The following TMEM161A variants were observed in gnomAD, a reference collection of about 807,000 sequenced individuals.
TMEM161A encodes adaptive response to oxidative stress protein 29.
A neutral mutation model predicts 57.1 loss-of-function variants in TMEM161A; 46 were observed. The observed-to-expected ratio is 0.81, with a 90% confidence interval of 0.64 to 1.03. TMEM161A has a LOEUF of 1.03. TMEM161A is among the 50% of genes least tolerant of loss of function. The pLI, the probability that TMEM161A is intolerant of heterozygous loss-of-function variation, is 0.00. For missense variants in TMEM161A, 601 were observed against 621.5 expected (o/e 0.97, Z 0.35); for synonymous variants, 288 against 279.0 (o/e 1.03, Z -0.32).
intron 6 of TMEM161A, among the ~76,000 whole-genome samples, chr19:19,123,661 C>T (rs2059919874): frequency 6.6e-6 from 1 of 152,110 alleles, no homozygotes; most frequent in African/African-American, 2.4e-5. Flanking sequence ...CATAAAGTCA[C>T]TGGAAGACTG....
At chr19:19,130,009 G>T in intron 6 of TMEM161A, 147 bp downstream of exon 6, 1 of 834,764 alleles carries the variant, frequency 1.2e-6, no homozygotes, top group Non-Finnish European at 1.8e-6. Flanking sequence ...TTCAGGAGCT[G>T]AGATGGTCAC....
chr19:19,129,236 G>T (rs2059945696), intron 6 of TMEM161A, among the ~76,000 whole-genome samples: 1 of 152,088 alleles, frequency 6.6e-6, no homozygotes, highest in African/African-American at 2.4e-5. Flanking sequence ...GTACTCATAT[G>T]ATTATTTTGC....
chr19:19,130,359 T>C (rs754484871), intron 5 of TMEM161A, 52 bp from the exon 6 acceptor site: 1 of 1,603,592 alleles, frequency 6.2e-7, no homozygotes, highest in Non-Finnish European at 8.5e-7. Context: ...ACTCTGCCCA[T>C]TTCACCACAC....
rs772948030 is a variant in TMEM161A, at chr19:19,120,097, C to T, written c.1273G>A (p.Asp425Asn). ...CGCGCTGCAGTCTGCTGGACTTCGT[C>T]CTCCCCAGAGCCGATGGGGGCAGCG... is the stretch of plus-strand genomic sequence containing the variant. Reference protein sequence around the residue: ...ASAAPIGSGEDEVQQTAARIA... With the variant: ...ASAAPIGSGENEVQQTAARIA... Residue 425 changes from aspartate (D) to asparagine (N), a missense_variant, in exon 12 of 12, where the codon GAC becomes AAC. Asp to Asn is a conservative substitution (Grantham distance 23, BLOSUM62 1). Transcript: ENST00000162044. 1.3e-6 allele frequency: 2 copies of T among 1,580,400 alleles called. No individual in the cohort carries two copies. Among genetic ancestry groups the T allele is most frequent in the Admixed American group, 3.7e-5 (2 of 54,442 alleles).
chr19:19,119,768 G>A lies in TMEM161A; in HGVS notation c.*162C>T. The A allele has an allele frequency of 1.2e-6, 1 of 850,750 alleles. No individual in the cohort carries two copies. Among genetic ancestry groups the A allele is most frequent in the Non-Finnish European group, 1.8e-6 (1 of 564,596 alleles). 52.7% of individuals were successfully genotyped at this position (850,750 alleles called of 1,614,324 possible). On this transcript the variant is annotated 3_prime_UTR_variant, in exon 12 of 12. Coordinates refer to ENST00000162044, the MANE Select transcript of TMEM161A (RefSeq NM_017814.3). ...GAGACAGTTCTGAGGCAGAAACTCG[G>A]CGTCCAAGGGGGGCCGCGGGTCAGG...
rs1036649327 is a variant in TMEM161A, at chr19:19,119,852, G to A, written c.*78C>T. Reference sequence around the variant, plus strand: ...CCCACCTTGCAGCTGGGGACACGGGGGCGCAAACAGAGGGGGCAGGCTAGT... The same window carrying A: ...CCCACCTTGCAGCTGGGGACACGGGAGCGCAAACAGAGGGGGCAGGCTAGT... On this transcript the variant is annotated 3_prime_UTR_variant, in exon 12 of 12. Transcript: ENST00000162044. 3.4e-6 allele frequency: 5 copies of A among 1,492,300 alleles called. No homozygotes were observed. The highest frequency in any genetic ancestry group is 2.1e-5 in the Admixed American group (1 of 47,558). 92.4% of individuals were successfully genotyped at this position (1,492,300 alleles called of 1,614,324 possible).
At chr19:19,128,061 A>T (rs1307087389) in intron 6 of TMEM161A, among the ~76,000 whole-genome samples, 2 of 152,140 alleles carry the variant, frequency 1.3e-5, no homozygotes, top group East Asian at 1.9e-4. Flanking sequence ...TATATGAGGA[A>T]CCCAGAGTGG....
rs2059897304 is a variant in TMEM161A, at chr19:19,119,651, G to A, written c.*279C>T. On this transcript the variant is annotated 3_prime_UTR_variant, in exon 12 of 12. Coordinates refer to ENST00000162044, the MANE Select transcript of TMEM161A (RefSeq NM_017814.3). ...ATCGGCATGCTCCTTTATTTGTTCA[G>A]AAGAGCAGCCAGCATCACCCTTGCC... is the stretch of plus-strand genomic sequence containing the variant. 2.0e-6 allele frequency: 1 copy of A among 492,160 alleles called. No individual in the cohort carries two copies. Among genetic ancestry groups the A allele is most frequent in the Non-Finnish European group, 3.7e-6 (1 of 270,110 alleles). The allele number at this position is 492,160 out of a possible 1,614,324, so 30.5% of individuals were successfully genotyped here. A position where few individuals can be genotyped will look rare whatever the true frequency, so the allele number is the denominator to read the frequency against.
chr19:19,136,242 T>C (rs892652193), intron 1 of TMEM161A, among the ~76,000 whole-genome samples: 1 of 152,104 alleles, frequency 6.6e-6, no homozygotes, highest in Admixed American at 6.6e-5. Flanking sequence ...CAAAATGAAA[T>C]AAAGTTTATT....
chr19:19,132,026 G>A lies in TMEM161A; in HGVS notation c.443+326C>T, dbSNP rs1010355051. Among the ~76,000 whole-genome samples the A allele has an allele frequency of 6.6e-6, 1 of 152,156 alleles. No individual in the cohort carries two copies. Among genetic ancestry groups the A allele is most frequent in the African/African-American group, 2.4e-5 (1 of 41,444 alleles). Reference sequence around the variant, plus strand: ...TTGGCCCTGATTGTGGACTGGCCTGGTGATTTCCTTAAACAAGGAGAATGT... The same window carrying A: ...TTGGCCCTGATTGTGGACTGGCCTGATGATTTCCTTAAACAAGGAGAATGT... On this transcript the variant is annotated intron_variant, in intron 5 of 11. Coordinates refer to ENST00000162044, the MANE Select transcript of TMEM161A (RefSeq NM_017814.3). This position sits in a 1 kb window ranked among gnomAD's most constrained non-coding sequence, Gnocchi z 4.3.
intron 5 of TMEM161A, among the ~76,000 whole-genome samples, chr19:19,131,507 T>TATAC (rs1342464666): frequency 3.5e-5 from 5 of 144,836 alleles, no homozygotes; most frequent in Non-Finnish European, 6.0e-5. Context: ...TATATATATA[T>TATAC]ACACACACAC....
At position 19,133,160 on chromosome 19, in the gene TMEM161A, C is replaced by T; in HGVS notation, c.158G>A (p.Gly53Glu). Residue 53 changes from glycine (G) to glutamate (E), a missense_variant, in exon 3 of 12, where the codon GGG (glycine) becomes GAG (glutamate). Gly to Glu is a moderately conservative substitution (Grantham distance 98). Coordinates refer to ENST00000162044, the MANE Select transcript of TMEM161A (RefSeq NM_017814.3). ...PSEEELRALA[G>E]KPRPRGRKER... ...TTTCCTGCCTCTGGGCCTCGGCTTC[C>T]CCGCCAGGGCCCGAAGCTCCTCCTC... 2.5e-6 allele frequency: 4 copies of T among 1,614,166 alleles called. No individual in the cohort carries two copies. Among genetic ancestry groups the T allele is most frequent in the Non-Finnish European group, 3.4e-6 (4 of 1,180,006 alleles).
In TMEM161A at chr19:19,120,006, A is replaced by G. The variant is rs764899045; in HGVS notation, c.1364T>C (p.Ile455Thr). ...CAGCTGGCAGGCAGCCGTCCACCAGATGAGGTAGGCCAGGACGCCACGGAG... is the reference window on the plus strand; with the variant it reads ...CAGCTGGCAGGCAGCCGTCCACCAGGTGAGGTAGGCCAGGACGCCACGGAG... ...LFLRGVLAYL[I>T]WWTAACQLLA... Residue 455 changes from isoleucine to threonine, a missense_variant, in exon 12 of 12, where the codon ATC becomes ACC. Physicochemically the swap from Ile to Thr is moderately conservative, Grantham distance 89 (BLOSUM62 -1). Transcript: ENST00000162044. 4 of 1,593,874 alleles carry G rather than the reference A, an allele frequency of 2.5e-6. No homozygotes were observed. The East Asian group carries it at 9.1e-5, about 36-fold the overall frequency.
At chr19:19,134,153 G>A (rs1169795991) in intron 2 of TMEM161A, among the ~76,000 whole-genome samples, 2 of 151,882 alleles carry the variant, frequency 1.3e-5, no homozygotes, top group Non-Finnish European at 2.9e-5. Flanking sequence ...ACCCACGCAA[G>A]GACAAAAACC....
In TMEM161A at chr19:19,123,287, A is replaced by T. The variant is rs145483604; in HGVS notation, c.596-1468T>A. Among the ~76,000 whole-genome samples, 30 of 152,372 alleles carry T rather than the reference A, an allele frequency of 2.0e-4. No homozygotes were observed. The East Asian group carries it at 5.4e-3, about 27-fold the overall frequency. On this transcript the variant is annotated intron_variant, in intron 6 of 11. Transcript: ENST00000162044. ...AGGAATTACTGGAAGAGAATGGTTG[A>T]GAAGTTTGCAGAATGAAAGACAGAC...
intron 6 of TMEM161A, among the ~76,000 whole-genome samples, chr19:19,128,278 C>T (rs2059941165): frequency 2.1e-5 from 3 of 144,990 alleles, no homozygotes; most frequent in Non-Finnish European, 1.5e-5. Flanking sequence ...GTCGCCCAGG[C>T]TGGAGTGCAG....
chr19:19,130,405 C>G (rs531453523), intron 5 of TMEM161A, 98 bp from the exon 6 acceptor site: 2 of 1,488,052 alleles, frequency 1.3e-6, no homozygotes, highest in Non-Finnish European at 1.8e-6. Flanking sequence ...GGAACAAGCA[C>G]TGCTGCACAA....
At position 19,127,182 on chromosome 19, in the gene TMEM161A, C is replaced by T. The variant is rs1343976762; in HGVS notation, c.595+2974G>A. Among the ~76,000 whole-genome samples, 9 of 152,200 alleles carry T rather than the reference C, an allele frequency of 5.9e-5. No individual in the cohort carries two copies. The East Asian group carries it at 1.7e-3, about 29-fold the overall frequency. ...TACTCTCCAAAACTGAAAATGGGGT[C>T]TCAAAGAGATACCTGTACACTCAGG... On this transcript the variant is annotated intron_variant, in intron 6 of 11. Transcript: ENST00000162044.
chr19:19,133,257 G>C (rs2059968191), intron 2 of TMEM161A, 47 bp from the exon 3 acceptor site: 1 of 1,588,924 alleles, frequency 6.3e-7, no homozygotes, highest in Non-Finnish European at 8.6e-7. Context: ...GTGGGGTTGG[G>C]AGGTTGAGGC....
Sources: allele counts gnomAD v4.1 joint callset (sites outside exome capture counted in the v4.1 genomes callset), GRCh38; gene constraint gnomAD v4.1.1; non-coding constraint Gnocchi (gnomAD v3.1); transcripts MANE v1.5; gene names NCBI Gene and HGNC (gene_info 2026-07-23, HGNC 2026-07-21).